PIEZO2: variants seen among roughly 807,000 people sequenced by gnomAD.
PIEZO2 encodes piezo-type mechanosensitive ion channel component 2.
Under a neutral mutation model 337.3 loss-of-function variants are expected in PIEZO2, and 172 were observed. The observed-to-expected ratio is 0.51, with a 90% CI of 0.45 to 0.58. The LOEUF is 0.58. Ranked by LOEUF, PIEZO2 falls within the 20% of genes least tolerant of loss-of-function variation. The pLI, the probability that PIEZO2 is intolerant of heterozygous loss-of-function variation, is 0.00. For synonymous variants in PIEZO2, 1,251 were observed against 1,228.5 expected (o/e 1.02, Z -0.38); for missense variants, 3,028 against 3,391.3 (o/e 0.89, Z 2.66).
At chr18:10,835,015 T>C (rs1442647606) in intron 7 of PIEZO2, among the ~76,000 whole-genome samples, 2 of 152,226 alleles carry the variant, frequency 1.3e-5, no homozygotes, top group African/African-American at 4.8e-5. Context: ...GAAAGGGATC[T>C]GTGCCCTTAT....
rs2039416335 is a variant in PIEZO2 at position 11,101,469 on chromosome 18, G to A, written c.65-35247C>T. Among the ~76,000 whole-genome samples the A allele has an allele frequency of 6.6e-6, 1 of 152,170 alleles. No individual in the cohort carries two copies. Among genetic ancestry groups the A allele is most frequent in the South Asian group, 2.1e-4 (1 of 4,834 alleles). The stretch of plus-strand genomic sequence containing the variant: ...TTCATTCATGTACCATTTTATACAA[G>A]AGACCATCTATTATAAAACACAACA... On this transcript the variant is annotated intron_variant, in intron 1 of 55. Transcript: ENST00000674853. The surrounding 1 kb of genome is among the most constrained non-coding windows in gnomAD (Gnocchi z 4.4).
At chr18:11,050,428 TG>T (rs1326121836) in intron 2 of PIEZO2, among the ~76,000 whole-genome samples, 1 of 152,088 alleles carries the variant, frequency 6.6e-6, no homozygotes, top group Non-Finnish European at 1.5e-5. Flanking sequence ...CCTCTTCAAA[TG>T]GGGCATCGTT....
intron 3 of PIEZO2, among the ~76,000 whole-genome samples, chr18:10,926,371 A>C (rs2031741425): frequency 6.6e-6 from 1 of 152,142 alleles, no homozygotes; most frequent in Non-Finnish European, 1.5e-5. Flanking sequence ...TTTCTCCATT[A>C]TCTGGTTATT....
At position 10,801,408 on chromosome 18, in the gene PIEZO2, A is replaced by T. The variant is rs1475571523; in HGVS notation, c.1221T>A (p.Asp407Glu). 6 of 1,508,008 alleles carry T rather than the reference A, an allele frequency of 4.0e-6. No individual in the cohort carries two copies. The highest frequency in any genetic ancestry group is 3.6e-5 in the South Asian group (3 of 83,436). The allele number at this position is 1,508,008 out of a possible 1,614,324, so 93.4% of individuals were successfully genotyped here. ...DERKLLSMTQ[D>E]DYKPSDGLLV... ...TACTAACATCAGATGGTTTGTAGTC[A>T]TCCTGGGTCATGGATAAAAGCTGCA... is the stretch of plus-strand genomic sequence containing the variant. The change falls in exon 10 of 56, where the codon GAT becomes GAA. Residue 407 changes from aspartate to glutamate, a missense_variant. Asp to Glu is a conservative substitution (Grantham distance 45). Around this residue, in one of 5 missense-constraint regions of PIEZO2, gnomAD observed 542 missense variants for 605.6 expected, o/e 0.89. Coordinates refer to ENST00000674853, the MANE Select transcript of PIEZO2 (RefSeq NM_001378183.1).
Position 11,129,074 on chromosome 18 carries a change from T to C in PIEZO2, c.64+19451A>G, listed in dbSNP as rs1412765064. On this transcript the variant is annotated intron_variant, in intron 1 of 55. Transcript: ENST00000674853. The surrounding 1 kb of genome is among the most constrained non-coding windows in gnomAD (Gnocchi z 4.6). ...GCGAGCTGGAAATGCCTGATCTCCC[T>C]CAGTTTAATGTAGAGGAAGGGATCC... is the stretch of plus-strand genomic sequence containing the variant. 6.6e-6 allele frequency among the ~76,000 whole-genome samples: 1 copy of C among 152,214 alleles called. No individual in the cohort carries two copies. The highest frequency in any genetic ancestry group is 1.5e-5 in the Non-Finnish European group (1 of 68,030).
intron 3 of PIEZO2, among the ~76,000 whole-genome samples, chr18:10,972,586 A>C (rs2034284740): frequency 6.6e-6 from 1 of 152,214 alleles, no homozygotes; most frequent in African/African-American, 2.4e-5. Flanking sequence ...CATTTAGCCC[A>C]TTTATTTGGG....
intron 4 of PIEZO2, among the ~76,000 whole-genome samples, chr18:10,875,556 A>T (rs934519902): frequency 6.6e-6 from 1 of 152,170 alleles, no homozygotes; most frequent in Non-Finnish European, 1.5e-5. Context: ...ATTTTTGGCA[A>T]TCGATTATTA....
At chr18:10,818,501 G>C (rs2040429824) in intron 7 of PIEZO2, among the ~76,000 whole-genome samples, 1 of 152,178 alleles carries the variant, frequency 6.6e-6, no homozygotes, top group Admixed American at 6.5e-5. Context: ...CGAGCACAGA[G>C]ACAGCCTTAA....
In PIEZO2 at chr18:10,875,356, G is replaced by A. The variant is rs571859876; in HGVS notation, c.330-3941C>T. ...CAGAGATTCATTGTATACTTTTAAA[G>A]TCTACCTAACATGATTGAAAAGGGT... On this transcript the variant is annotated intron_variant, in intron 4 of 55. Coordinates refer to ENST00000674853, the MANE Select transcript of PIEZO2 (RefSeq NM_001378183.1). 7.4e-4 allele frequency among the ~76,000 whole-genome samples: 112 copies of A among 152,156 alleles called. 1 individual carries two copies. The highest frequency in any genetic ancestry group is 2.6e-3 in the African/African-American group (107 of 41,522).
chr18:10,699,131 G>T lies in PIEZO2; in HGVS notation c.6488C>A (p.Ala2163Asp), dbSNP rs113682091. 122,711 of 1,537,064 alleles carry T rather than the reference G, an allele frequency of 0.08. 6,147 individuals are homozygous for T. Among genetic ancestry groups the T allele is most frequent in the African/African-American group, 0.23 (17,120 of 73,066 alleles). The change falls in exon 44 of 56, where the codon GCC becomes GAC. Residue 2163 changes from alanine (A) to aspartate (D), a missense_variant. By Grantham distance (126) the Ala-to-Asp change is moderately radical (BLOSUM62 -2). This residue lies in a region of PIEZO2 where 1,925 missense variants were observed against 2,051.9 expected (regional missense o/e 0.94). Transcript: ENST00000674853. ...GAGCTCATCATCTGATTCCTCCCTG[G>T]CCATGCCACTTTCAGTCATGTCATC... ...DEDDMTESGM[A>D]REESDDELSL...
chr18:10,730,971 T>C (rs894780512), intron 36 of PIEZO2, among the ~76,000 whole-genome samples: 1 of 151,972 alleles, frequency 6.6e-6, no homozygotes, highest in Non-Finnish European at 1.5e-5. Context: ...CGTGATCCAC[T>C]CGCCTTGGCC....
At chr18:10,916,644 G>A (rs550419088) in intron 3 of PIEZO2, among the ~76,000 whole-genome samples, 1 of 152,290 alleles carries the variant, frequency 6.6e-6, no homozygotes, top group East Asian at 1.9e-4. Flanking sequence ...CAAAGTCCCA[G>A]TTCCTGCCCA....
At chr18:11,103,804 T>TGTGTGC in intron 1 of PIEZO2, among the ~76,000 whole-genome samples, 1 of 151,110 alleles carries the variant, frequency 6.6e-6, no homozygotes, top group South Asian at 2.1e-4. Flanking sequence ...TGTGTGTGTG[T>TGTGTGC]GTGTGCGTGT....
At chr18:10,763,236 C>G in intron 21 of PIEZO2, 138 bp from the exon 22 acceptor site, 1 of 901,648 alleles carries the variant, frequency 1.1e-6, no homozygotes, top group South Asian at 1.7e-5. Flanking sequence ...AGGAATTGCC[C>G]TAGGTGCTGG....
At chr18:11,085,853 A>C (rs2038891477) in intron 1 of PIEZO2, among the ~76,000 whole-genome samples, 2 of 151,928 alleles carry the variant, frequency 1.3e-5, no homozygotes, top group Admixed American at 6.5e-5. Flanking sequence ...GGAAAAAAAA[A>C]AAACGGAGAG....
At chr18:10,931,509 T>G (rs933988378) in intron 3 of PIEZO2, among the ~76,000 whole-genome samples, 7 of 152,246 alleles carry the variant, frequency 4.6e-5, no homozygotes, top group Non-Finnish European at 1.0e-4. Flanking sequence ...TATCTACTTA[T>G]AATTTTAATA....
chr18:10,818,928 GA>G (rs1172385052), intron 7 of PIEZO2, among the ~76,000 whole-genome samples: 2 of 152,138 alleles, frequency 1.3e-5, no homozygotes, highest in African/African-American at 4.8e-5. Context: ...GGAATAAAAA[GA>G]TGTCATTGAA....
intron 4 of PIEZO2, among the ~76,000 whole-genome samples, chr18:10,904,604 A>C (rs920639269): frequency 1.3e-5 from 2 of 152,224 alleles, no homozygotes; most frequent in African/African-American, 4.8e-5. Context: ...CAAATGCTTC[A>C]AGAGCCACTG....
Position 10,759,394 on chromosome 18 carries a change from C to T in PIEZO2, c.3757+88G>A. On this transcript the variant is annotated intron_variant, in intron 26 of 55. Transcript: ENST00000674853. The surrounding 1 kb of genome is among the most constrained non-coding windows in gnomAD (Gnocchi z 5.5). ...CATGATTACGAAGTCTAGTGGAAGA[C>T]AAAAGGCACTAATGCATAGCACGTG... is the stretch of plus-strand genomic sequence containing the variant. 1 of 1,134,716 alleles carries T rather than the reference C, an allele frequency of 8.8e-7. No homozygotes were observed. Among genetic ancestry groups the T allele is most frequent in the Non-Finnish European group, 1.3e-6 (1 of 791,338 alleles). 70.3% of individuals were successfully genotyped at this position (1,134,716 alleles called of 1,614,324 possible).
Sources: gnomAD v4.1 joint callset for allele counts (sites outside exome capture counted in the v4.1 genomes callset) on GRCh38, gnomAD v4.1.1 for gene constraint, gnomAD v4.1.1 regional missense constraint, Gnocchi (gnomAD v3.1) non-coding constraint, MANE v1.5 for transcripts, NCBI Gene and HGNC (gene_info 2026-07-23, HGNC 2026-07-21) for gene names.